The following FBXL17 variants were observed in gnomAD, a reference collection of about 807,000 sequenced individuals.
FBXL17 encodes F-box/LRR-repeat protein 17.
Under a neutral mutation model 66.2 loss-of-function variants are expected in FBXL17, and 22 were observed. The ratio of observed to expected loss-of-function variants is 0.33; its 90% CI spans 0.24 to 0.47. The LOEUF (loss-of-function observed/expected upper bound fraction) is 0.47. FBXL17 is among the 20% of genes least tolerant of loss of function. FBXL17 has a pLI of 1.00. For missense variants in FBXL17, 878 were observed against 948.2 expected (o/e 0.93, Z 0.97); for synonymous variants, 474 against 400.5 (o/e 1.18, Z -2.19).
rs930853425 is a variant in FBXL17, at chr5:108,242,353, T to TTGTTGC, written c.1507-18126_1507-18125insGCAACA. On this transcript the variant is annotated intron_variant, in intron 4 of 8. Transcript: ENST00000542267. ...GGTGCCACCATGCCTGGCTAGTTTGTTGTTGTTGTTGTTGTTGTTGTTGTT... is the reference window on the plus strand; with the variant it reads ...GGTGCCACCATGCCTGGCTAGTTTGTTGTTGCTGTTGTTGTTGTTGTTGTTGTTGTT... 9.8e-5 allele frequency among the ~76,000 whole-genome samples: 3 copies of TTGTTGC among 30,696 alleles called. No individual in the cohort carries two copies. In the African/African-American group the frequency reaches 1.6e-3, roughly 16 times the overall value. 20.1% of individuals were successfully genotyped at this position (30,696 alleles called of 152,430 possible).
chr5:108,158,858 T>C (rs994890530), intron 6 of FBXL17, among the ~76,000 whole-genome samples: 2 of 152,092 alleles, frequency 1.3e-5, no homozygotes, highest in Non-Finnish European at 2.9e-5. Flanking sequence ...GACAATAGCA[T>C]CTGGAAGCTA....
At chr5:108,338,725 T>C (rs757437550) in intron 4 of FBXL17, among the ~76,000 whole-genome samples, 2 of 111,370 alleles carry the variant, frequency 1.8e-5, no homozygotes, top group Non-Finnish European at 3.7e-5. Context: ...TATTAAAATC[T>C]GGATGATATA....
intron 4 of FBXL17, among the ~76,000 whole-genome samples, chr5:108,284,302 A>G (rs1022069901): frequency 3.3e-5 from 5 of 151,954 alleles, no homozygotes; most frequent in African/African-American, 9.7e-5. Flanking sequence ...AAAATATTCA[A>G]TCAACCTAAG....
intron 7 of FBXL17, among the ~76,000 whole-genome samples, chr5:107,911,368 A>G (rs2112547413): frequency 6.6e-6 from 1 of 152,274 alleles, no homozygotes; most frequent in South Asian, 2.1e-4. Flanking sequence ...AGCAAATTCC[A>G]GGTGGACTAA....
At chr5:107,910,983 T>C (rs1299587812) in intron 7 of FBXL17, among the ~76,000 whole-genome samples, 3 of 152,140 alleles carry the variant, frequency 2.0e-5, no homozygotes, top group African/African-American at 4.8e-5. Flanking sequence ...AAAATCATTC[T>C]GTGCAAAACT....
intron 4 of FBXL17, among the ~76,000 whole-genome samples, chr5:108,266,227 C>A (rs1757040201): frequency 6.6e-6 from 1 of 151,998 alleles, no homozygotes; most frequent in South Asian, 2.1e-4. Flanking sequence ...ACAGTAGTCT[C>A]CCTTATCCAT....
At chr5:107,973,649 C>A (rs768986353) in intron 7 of FBXL17, among the ~76,000 whole-genome samples, 1 of 151,920 alleles carries the variant, frequency 6.6e-6, no homozygotes, top group South Asian at 2.1e-4. Context: ...AATTCTAGAT[C>A]TAGCATTCCA....
At chr5:108,162,366 T>C (rs1752248554) in intron 6 of FBXL17, among the ~76,000 whole-genome samples, 1 of 151,972 alleles carries the variant, frequency 6.6e-6, no homozygotes, top group Admixed American at 6.6e-5. Flanking sequence ...GGTGGTGGTG[T>C]GCCCCTGTAG....
At chr5:107,989,261 AC>A (rs1753136857) in intron 7 of FBXL17, among the ~76,000 whole-genome samples, 1 of 151,956 alleles carries the variant, frequency 6.6e-6, no homozygotes, top group African/African-American at 2.4e-5. Context: ...GTATCTTCGT[AC>A]CTATTAACCA....
chr5:107,888,067 A>T (rs1283758695), intron 7 of FBXL17, among the ~76,000 whole-genome samples: 1 of 152,198 alleles, frequency 6.6e-6, no homozygotes, highest in Non-Finnish European at 1.5e-5. Flanking sequence ...TTTATACATT[A>T]TTATATTCTT....
chr5:107,976,399 G>T (rs1752583590), intron 7 of FBXL17, among the ~76,000 whole-genome samples: 1 of 152,038 alleles, frequency 6.6e-6, no homozygotes, highest in Non-Finnish European at 1.5e-5. Flanking sequence ...AGAGTTATTG[G>T]GTAGATTTGT....
chr5:108,154,215 A>T (rs1019840956), intron 6 of FBXL17, among the ~76,000 whole-genome samples: 1 of 150,788 alleles, frequency 6.6e-6, no homozygotes, highest in Non-Finnish European at 1.5e-5. Flanking sequence ...AGAGAAAGGG[A>T]TATTACAGAA....
chr5:108,356,683 T>C (rs1014835587), intron 3 of FBXL17, among the ~76,000 whole-genome samples: 2 of 151,978 alleles, frequency 1.3e-5, no homozygotes, highest in African/African-American at 2.4e-5. Context: ...AGCGAATAAA[T>C]AGGCAGAATA....
intron 3 of FBXL17, among the ~76,000 whole-genome samples, chr5:108,353,017 T>A (rs1747748157): frequency 6.6e-6 from 1 of 152,132 alleles, no homozygotes; most frequent in African/African-American, 2.4e-5. Flanking sequence ...GGGAAACACC[T>A]TGGGCTTTCC....
intron 6 of FBXL17, among the ~76,000 whole-genome samples, chr5:108,138,226 C>T (rs1751218128): frequency 6.6e-6 from 1 of 152,144 alleles, no homozygotes; most frequent in South Asian, 2.1e-4. Flanking sequence ...ACATTTCAGA[C>T]TACAAATGTC....
intron 3 of FBXL17, among the ~76,000 whole-genome samples, chr5:108,353,110 T>C (rs1001128025): frequency 6.6e-6 from 1 of 152,178 alleles, no homozygotes; most frequent in African/African-American, 2.4e-5. Flanking sequence ...AAGAAAAGAT[T>C]TCTGGTTTTC....
At chr5:108,137,882 T>C (rs1400020283) in intron 6 of FBXL17, among the ~76,000 whole-genome samples, 1 of 152,194 alleles carries the variant, frequency 6.6e-6, no homozygotes, top group East Asian at 1.9e-4. Context: ...ATACATTATC[T>C]ATGCCTAGAC....
chr5:108,346,611 T>G (rs990820722), intron 4 of FBXL17, among the ~76,000 whole-genome samples: 11 of 152,244 alleles, frequency 7.2e-5, no homozygotes, highest in African/African-American at 2.6e-4. Flanking sequence ...TTACCTTGGA[T>G]GTAAAGTGAA....
chr5:108,014,822 G>T (rs932055812), intron 7 of FBXL17, among the ~76,000 whole-genome samples: 1 of 152,162 alleles, frequency 6.6e-6, no homozygotes, highest in African/African-American at 2.4e-5. Context: ...AGTTCCATGT[G>T]ACTGGGGAAG....
Sources: gnomAD v4.1 joint callset for allele counts (sites outside exome capture counted in the v4.1 genomes callset) on GRCh38, gnomAD v4.1.1 for gene constraint, MANE v1.5 for transcripts, NCBI Gene and HGNC (gene_info 2026-07-23, HGNC 2026-07-21) for gene names.